Variants in PPARGC1A observed in about 807,000 individuals in gnomAD.
PPARGC1A encodes peroxisome proliferator-activated receptor gamma coactivator 1-alpha.
A neutral mutation model predicts 88.7 loss-of-function variants in PPARGC1A; 25 were observed. The ratio of observed to expected loss-of-function variants is 0.28; its 90% confidence interval spans 0.21 to 0.39. The LOEUF (loss-of-function observed/expected upper bound fraction) is 0.39, where lower values mean the gene tolerates loss of function less well. PPARGC1A is among the 10% of genes least tolerant of loss of function. The probability of loss-of-function intolerance (pLI) is 1.00; values close to 1 mark genes in which losing one functional copy is unlikely to be tolerated. For synonymous variants in PPARGC1A, 363 were observed against 355.6 expected (o/e 1.02, Z -0.24); for missense variants, 880 against 968.7 (o/e 0.91, Z 1.22).
chr4:24,146,539 G>C, the PPARGC1A span, among the ~76,000 whole-genome samples: 1 of 152,186 alleles, frequency 6.6e-6, no homozygotes, highest in Non-Finnish European at 1.5e-5. Flanking sequence ...GCTGACTAGG[G>C]AGGCACAACG....
the PPARGC1A span, among the ~76,000 whole-genome samples, chr4:24,259,434 C>T: frequency 6.6e-6 from 1 of 152,218 alleles, no homozygotes; most frequent in Non-Finnish European, 1.5e-5. Context: ...TGATGTCTCC[C>T]TGACCATCCT....
the PPARGC1A span, among the ~76,000 whole-genome samples, chr4:24,152,285 G>T: frequency 6.4e-3 from 975 of 152,238 alleles, 4 homozygotes; most frequent in Non-Finnish European, 9.7e-3. Context: ...CTATTTTCTT[G>T]CATGGCATTA....
chr4:24,223,358 T>C, the PPARGC1A span, among the ~76,000 whole-genome samples: 2 of 151,460 alleles, frequency 1.3e-5, no homozygotes, highest in Non-Finnish European at 2.9e-5. Flanking sequence ...CAAGCGATTC[T>C]CCTGCCTCAG....
At chr4:24,324,050 T>A in the PPARGC1A span, among the ~76,000 whole-genome samples, 1 of 152,226 alleles carries the variant, frequency 6.6e-6, no homozygotes, top group Non-Finnish European at 1.5e-5. Context: ...GGTCACGGAC[T>A]GGGAAGGCAG....
chr4:24,451,416 G>A, the PPARGC1A span, among the ~76,000 whole-genome samples: 1 of 152,180 alleles, frequency 6.6e-6, no homozygotes, highest in Non-Finnish European at 1.5e-5. Flanking sequence ...TTCAATGAGA[G>A]TCTCTTCTAC....
intron 2 of PPARGC1A, among the ~76,000 whole-genome samples, chr4:23,839,725 G>A (rs1478522310): frequency 3.3e-5 from 5 of 152,108 alleles, no homozygotes; most frequent in African/African-American, 1.2e-4. Context: ...ACAGTTCCAC[G>A]TGGGTGGGAG....
the PPARGC1A span, among the ~76,000 whole-genome samples, chr4:24,358,838 C>T: frequency 0.02 from 3,090 of 152,314 alleles, 99 homozygotes; most frequent in African/African-American, 0.071. Context: ...GAACCCTGAG[C>T]GTGGCATGGC....
At chr4:23,949,720 T>C in the PPARGC1A span, among the ~76,000 whole-genome samples, 1 of 152,150 alleles carries the variant, frequency 6.6e-6, no homozygotes, top group Non-Finnish European at 1.5e-5. Context: ...CAAGGTTCAA[T>C]GACACAGCCT....
chr4:24,112,629 G>T, the PPARGC1A span, among the ~76,000 whole-genome samples: 1 of 152,178 alleles, frequency 6.6e-6, no homozygotes, highest in Non-Finnish European at 1.5e-5. Flanking sequence ...TCAATGCCAT[G>T]ATCATTCATC....
At chr4:24,470,375 T>G in the PPARGC1A span, among the ~76,000 whole-genome samples, 1 of 149,322 alleles carries the variant, frequency 6.7e-6, no homozygotes, top group East Asian at 2.0e-4. This position sits in a 1 kb window ranked among gnomAD's most constrained non-coding sequence, Gnocchi z 5.8. Context: ...GAGCTGGAGT[T>G]TGCGGAGCCG....
chr4:24,074,667 G>T, the PPARGC1A span, among the ~76,000 whole-genome samples: 1 of 151,810 alleles, frequency 6.6e-6, no homozygotes, highest in Non-Finnish European at 1.5e-5. Flanking sequence ...TTCCTTCCTA[G>T]AATTCTCTGA....
At chr4:23,994,499 A>AG in the PPARGC1A span, among the ~76,000 whole-genome samples, 6 of 152,182 alleles carry the variant, frequency 3.9e-5, no homozygotes, top group South Asian at 2.1e-4. Context: ...TGGGCAGAGA[A>AG]GGGGGGGCGG....
intron 10 of PPARGC1A, 117 bp from the exon 11 acceptor site, chr4:23,802,462 G>A: frequency 2.4e-6 from 3 of 1,252,594 alleles, no homozygotes; most frequent in Non-Finnish European, 3.3e-6. Flanking sequence ...GGTGGATCAT[G>A]AGGTCAGGAG....
the PPARGC1A span, among the ~76,000 whole-genome samples, chr4:24,068,611 A>G: frequency 4.6e-5 from 7 of 152,330 alleles, no homozygotes; most frequent in Non-Finnish European, 8.8e-5. Flanking sequence ...ATATGTGTGC[A>G]CATGTGTTTA....
At chr4:23,925,488 C>T in the PPARGC1A span, among the ~76,000 whole-genome samples, 3 of 152,160 alleles carry the variant, frequency 2.0e-5, no homozygotes, top group Non-Finnish European at 4.4e-5. Context: ...TAAATGAATA[C>T]ATCTGCTCTG....
chr4:24,011,486 A>G, the PPARGC1A span, among the ~76,000 whole-genome samples: 2 of 152,200 alleles, frequency 1.3e-5, no homozygotes, highest in Non-Finnish European at 2.9e-5. Context: ...TTTGAACCCA[A>G]GAGGAAACAT....
chr4:24,466,398 G>A, the PPARGC1A span, among the ~76,000 whole-genome samples: 4 of 152,292 alleles, frequency 2.6e-5, no homozygotes, highest in African/African-American at 7.2e-5. Context: ...AGTACAGTGG[G>A]GATAAGAAGA....
the PPARGC1A span, among the ~76,000 whole-genome samples, chr4:24,309,504 A>G: frequency 1.3e-5 from 2 of 152,136 alleles, no homozygotes; most frequent in African/African-American, 4.8e-5. Flanking sequence ...ATGGCATGAA[A>G]CTTAGATTTT....
the PPARGC1A span, among the ~76,000 whole-genome samples, chr4:24,144,098 A>G: frequency 1.3e-5 from 2 of 152,220 alleles, no homozygotes; most frequent in Admixed American, 6.5e-5. Context: ...ATTTCCCTGT[A>G]GGGGCTTATG....
Sources: gnomAD v4.1 joint callset for allele counts (sites outside exome capture counted in the v4.1 genomes callset) on GRCh38, gnomAD v4.1.1 for gene constraint, Gnocchi (gnomAD v3.1) non-coding constraint, MANE v1.5 for transcripts, NCBI Gene and HGNC (gene_info 2026-07-23, HGNC 2026-07-21) for gene names.